The following LHCGR variants were observed in gnomAD, a reference collection of about 807,000 sequenced individuals.
LHCGR encodes the protein lutropin-choriogonadotropic hormone receptor.
A neutral mutation model predicts 60.7 loss-of-function variants in LHCGR; 55 were observed. The ratio of observed to expected loss-of-function variants is 0.91; its 90% CI spans 0.73 to 1.13. LHCGR has a LOEUF of 1.13. Ranked by LOEUF, LHCGR falls within the 50% of genes most tolerant of loss-of-function variation. The pLI is 0.00. For missense variants in LHCGR, 862 were observed against 836.0 expected, an observed-to-expected ratio of 1.03 and a Z score of -0.38; for synonymous variants, 337 against 316.5, an observed-to-expected ratio of 1.06 and a Z score of -0.69.
intron 7 of LHCGR, among the ~76,000 whole-genome samples, chr2:48,713,276 A>G (rs1218900482): frequency 6.6e-6 from 1 of 152,162 alleles, no homozygotes; most frequent in East Asian, 1.9e-4. Context: ...CGAACTTTTC[A>G]TGTGCTCTTA....
chr2:48,699,650 GAATGCATGTTCTCT>G (rs1185207272), intron 8 of LHCGR, among the ~76,000 whole-genome samples: 92 of 152,328 alleles, frequency 6.0e-4, no homozygotes, highest in Non-Finnish European at 1.1e-3. Flanking sequence ...CTAGGAAGCA[GAATGCATGTTCTCT>G]AATGCATGTT....
Position 48,755,536 on chromosome 2 carries a change from C to A in LHCGR, c.136G>T (p.Gly46Cys), listed in dbSNP as rs376613983. 1.3e-6 allele frequency: 2 copies of A among 1,541,622 alleles called. No homozygotes were observed. The highest frequency in any genetic ancestry group is 2.5e-5 in the East Asian group (1 of 40,762). The stretch of plus-strand genomic sequence containing the variant: ...AGTCGAGTGAGACCGGCCGTGGGGC[C>A]GGGGCAGCGCAGGGCGCCGTCGGGC... ...CVPDGALRCPGPTAGLTRLSL... is the reference protein window; with the variant it reads ...CVPDGALRCPCPTAGLTRLSL... The change falls in exon 1 of 11, where the codon GGC becomes TGC. Residue 46 changes from glycine to cysteine, a missense_variant. Physicochemically the swap from Gly to Cys is radical, Grantham distance 159. Coordinates refer to ENST00000294954, the MANE Select transcript of LHCGR (RefSeq NM_000233.4).
At chr2:48,740,508 C>T (rs1669397808) in intron 1 of LHCGR, among the ~76,000 whole-genome samples, 1 of 152,200 alleles carries the variant, frequency 6.6e-6, no homozygotes, top group African/African-American at 2.4e-5. Context: ...AACAGGCAGA[C>T]TGCCTCCTCA....
rs1667006695 is a variant in LHCGR at position 48,694,221 on chromosome 2, T to TA, written c.947+2dup. ...CTGAGTTTCCTTGCATGCAAATACT[T>TA]ACAGTGTTTTGTTATTCACTTTCCT... On this transcript the variant is annotated splice_region_variant and intron_variant, in intron 10 of 10. Coordinates refer to ENST00000294954, the MANE Select transcript of LHCGR (RefSeq NM_000233.4). 2 of 1,512,238 alleles carry TA rather than the reference T, an allele frequency of 1.3e-6. No individual in the cohort carries two copies. Among genetic ancestry groups the TA allele is most frequent in the African/African-American group, 1.4e-5 (1 of 73,648 alleles). The allele number at this position is 1,512,238 out of a possible 1,614,324, so 93.7% of individuals were successfully genotyped here.
chr2:48,705,601 G>A (rs984427440), intron 8 of LHCGR, among the ~76,000 whole-genome samples: 1 of 152,128 alleles, frequency 6.6e-6, no homozygotes, highest in South Asian at 2.1e-4. Flanking sequence ...ATATTTAGGA[G>A]AGTTAGCTCT....
chr2:48,706,412 C>T (rs60062819), intron 8 of LHCGR, among the ~76,000 whole-genome samples: 14,851 of 152,174 alleles, frequency 0.098, 847 homozygotes, highest in Middle Eastern at 0.18. Flanking sequence ...GTGGTGTTCT[C>T]TGTATTTCCT....
At position 48,735,411 on chromosome 2, in the gene LHCGR, A is replaced by G. The variant is rs116752724; in HGVS notation, c.162-4113T>C. ...TATGCTGGTGTTTGTTTTTGTCTCG[A>G]TTTCTTATTCTGTAGCTTGCTTGGT... On this transcript the variant is annotated intron_variant, in intron 1 of 10. Coordinates refer to ENST00000294954, the MANE Select transcript of LHCGR (RefSeq NM_000233.4). Among the ~76,000 whole-genome samples the G allele has an allele frequency of 4.8e-3, 731 of 152,150 alleles. 11 individuals carry two copies. The highest frequency in any genetic ancestry group is 0.017 in the African/African-American group (703 of 41,508).
intron 6 of LHCGR, among the ~76,000 whole-genome samples, chr2:48,722,814 C>T (rs553334939): frequency 1.6e-4 from 24 of 152,282 alleles, no homozygotes; most frequent in African/African-American, 4.8e-4. Context: ...GACTTATACA[C>T]CAGCTCTCAG....
At chr2:48,703,891 C>T (rs1667530235) in intron 8 of LHCGR, among the ~76,000 whole-genome samples, 1 of 152,166 alleles carries the variant, frequency 6.6e-6, no homozygotes. Context: ...CCTTCTCTCG[C>T]CTGATTGCCC....
chr2:48,743,511 C>T (rs1185100684), intron 1 of LHCGR, among the ~76,000 whole-genome samples: 1 of 152,196 alleles, frequency 6.6e-6, no homozygotes, highest in Non-Finnish European at 1.5e-5. Context: ...AAGTGGGCTT[C>T]ATCCCTGGGA....
chr2:48,699,943 C>T (rs1243493607), intron 8 of LHCGR, among the ~76,000 whole-genome samples: 2 of 152,210 alleles, frequency 1.3e-5, no homozygotes, highest in African/African-American at 4.8e-5. Flanking sequence ...CTTTTCCAAG[C>T]AGCACAGCTC....
intron 7 of LHCGR, among the ~76,000 whole-genome samples, chr2:48,710,841 A>G (rs1017358314): frequency 6.6e-6 from 1 of 152,180 alleles, no homozygotes; most frequent in Non-Finnish European, 1.5e-5. Context: ...TTTATGAGGA[A>G]GGGTTGAATG....
intron 8 of LHCGR, among the ~76,000 whole-genome samples, 196 bp from the exon 9 acceptor site, chr2:48,698,996 C>T (rs1246606964): frequency 3.3e-5 from 5 of 152,078 alleles, no homozygotes; most frequent in African/African-American, 4.8e-5. Flanking sequence ...CGCCCGCTAC[C>T]ACGCCCGGCT....
chr2:48,694,420 C>T (rs973606178), intron 9 of LHCGR, 116 bp from the exon 10 acceptor site: 10 of 699,958 alleles, frequency 1.4e-5, no homozygotes, highest in Middle Eastern at 3.0e-4. Context: ...ACCAGCATCT[C>T]GTTCTGCACC....
At chr2:48,691,662 A>G (rs926900421) in intron 10 of LHCGR, among the ~76,000 whole-genome samples, 1 of 152,144 alleles carries the variant, frequency 6.6e-6, no homozygotes, top group Non-Finnish European at 1.5e-5. Flanking sequence ...CCTGGCCAAT[A>G]TGGCAAAACC....
At chr2:48,710,239 C>G (rs1667913150) in intron 7 of LHCGR, among the ~76,000 whole-genome samples, 1 of 152,128 alleles carries the variant, frequency 6.6e-6, no homozygotes, top group African/African-American at 2.4e-5. Flanking sequence ...TTTCTACTTT[C>G]AAAGAGATGA....
chr2:48,724,155 T>G (rs1364979311), intron 4 of LHCGR, among the ~76,000 whole-genome samples: 1 of 152,244 alleles, frequency 6.6e-6, no homozygotes, highest in African/African-American at 2.4e-5. Flanking sequence ...TATTGCTCAT[T>G]ATTAAAAATC....
chr2:48,712,292 C>T (rs941372256), intron 7 of LHCGR, among the ~76,000 whole-genome samples: 9 of 151,992 alleles, frequency 5.9e-5, no homozygotes, highest in African/African-American at 2.2e-4. Context: ...GCTGTAAGCT[C>T]CTGTAGGGCG....
At chr2:48,717,822 A>C (rs1271618061) in intron 6 of LHCGR, among the ~76,000 whole-genome samples, 1 of 123,728 alleles carries the variant, frequency 8.1e-6, no homozygotes, top group African/African-American at 3.0e-5. Context: ...GCCTTTAGAC[A>C]TTTTCCATGT....
Sources: gnomAD v4.1 joint callset for allele counts (sites outside exome capture counted in the v4.1 genomes callset) on GRCh38, gnomAD v4.1.1 for gene constraint, MANE v1.5 for transcripts, NCBI Gene and HGNC (gene_info 2026-07-23, HGNC 2026-07-21) for gene names.